Variants in COL6A5 observed in about 807,000 individuals in gnomAD.
The protein encoded by COL6A5 is collagen type VI alpha 5 chain.
COL6A5 carries 48 observed loss-of-function variants against 65.6 expected under a neutral mutation model. The ratio of observed to expected loss-of-function variants is 0.73; its 90% CI spans 0.58 to 0.93. The LOEUF (loss-of-function observed/expected upper bound fraction) is 0.93, where lower values mean the gene tolerates loss of function less well. Ranked by LOEUF, COL6A5 falls within the 40% of genes least tolerant of loss-of-function variation. The probability of loss-of-function intolerance (pLI) is 0.00; values close to 1 mark genes in which losing one functional copy is unlikely to be tolerated. For synonymous variants in COL6A5, 291 were observed against 322.8 expected, an observed-to-expected ratio of 0.90 and a Z score of 1.05; for missense variants, 914 against 928.3, an observed-to-expected ratio of 0.98 and a Z score of 0.20.
chr3:130,354,814 A>G (rs1335295844), intron 1 of COL6A5, among the ~76,000 whole-genome samples: 1 of 152,156 alleles, frequency 6.6e-6, no homozygotes, highest in Admixed American at 6.5e-5. Flanking sequence ...GTGTTCCATG[A>G]TTTATAGCTG....
intron 1 of COL6A5, among the ~76,000 whole-genome samples, chr3:130,361,412 A>G (rs1233033952): frequency 1.3e-5 from 2 of 152,070 alleles, no homozygotes; most frequent in Non-Finnish European, 2.9e-5. Context: ...ATGGCTTGAT[A>G]GTATATTTCA....
intron 4 of COL6A5, among the ~76,000 whole-genome samples, chr3:130,380,290 A>C (rs1211375764): frequency 6.6e-6 from 1 of 152,160 alleles, no homozygotes; most frequent in Non-Finnish European, 1.5e-5. Context: ...TAAAATGTAA[A>C]ATATGTGTTA....
chr3:130,397,875 G>A (rs1374140173), exon 9 of COL6A5: 3 of 1,551,692 alleles, frequency 1.9e-6, no homozygotes, highest in Non-Finnish European at 8.7e-7. Context: ...CACAGTTCTT[G>A]CGGTCTCTTT....
chr3:130,377,219 A>C (rs1202558441), intron 3 of COL6A5, among the ~76,000 whole-genome samples: 4 of 152,022 alleles, frequency 2.6e-5, no homozygotes, highest in Non-Finnish European at 4.4e-5. Context: ...CCCCACCATC[A>C]CGAAGCAAGA....
chr3:130,452,888 T>C (rs1709478808), intron 4 of COL6A5, among the ~76,000 whole-genome samples: 2 of 152,172 alleles, frequency 1.3e-5, no homozygotes, highest in Admixed American at 1.3e-4. Flanking sequence ...ATTCTCTTTC[T>C]CAGGGATGTT....
chr3:130,479,334 G>A (rs1395169872), intron 7 of COL6A5, among the ~76,000 whole-genome samples: 1 of 152,076 alleles, frequency 6.6e-6, no homozygotes, highest in Non-Finnish European at 1.5e-5. Flanking sequence ...ATAGATTGCT[G>A]TTGTTTATAA....
In COL6A5 at chr3:130,472,858, T is replaced by TATATATATAC. The variant is rs1198559167; in HGVS notation, c.2328+1892_2328+1893insTATATATACA. On this transcript the variant is annotated intron_variant, in intron 7 of 7. Transcript: ENST00000512836. ...ATATATATATATATATATATATATA[T>TATATATATAC]ACACATTTATAAATATAGATATAGT... is the stretch of plus-strand genomic sequence containing the variant. Among the ~76,000 whole-genome samples, 583 of 141,816 alleles carry TATATATATAC rather than the reference T, an allele frequency of 4.1e-3. 4 individuals carry two copies. The highest frequency in any genetic ancestry group is 0.011 in the Middle Eastern group (3 of 262). The allele number at this position is 141,816 out of a possible 152,430, so 93.0% of individuals were successfully genotyped here.
intron 5 of COL6A5, among the ~76,000 whole-genome samples, chr3:130,461,259 G>A (rs1254466208): frequency 2.0e-5 from 3 of 151,882 alleles, no homozygotes; most frequent in Admixed American, 6.6e-5. Flanking sequence ...AAAAAAAGTG[G>A]CATGCTTTGG....
At chr3:130,430,014 C>T (rs957042690), upstream of COL6A5, among the ~76,000 whole-genome samples, 1 of 152,178 alleles carries the variant, frequency 6.6e-6, no homozygotes, top group Admixed American at 6.5e-5. Context: ...CCTTTCCTGC[C>T]CATGGCTGTG....
chr3:130,393,037 A>G (rs1936453351), intron 7 of COL6A5, among the ~76,000 whole-genome samples: 1 of 147,692 alleles, frequency 6.8e-6, no homozygotes, highest in Non-Finnish European at 1.5e-5. Flanking sequence ...TCTTCTACAC[A>G]CTGGATGTGG....
chr3:130,400,025 A>G (rs1319247631), intron 10 of COL6A5, among the ~76,000 whole-genome samples: 1 of 152,018 alleles, frequency 6.6e-6, no homozygotes, highest in Non-Finnish European at 1.5e-5. Flanking sequence ...GGCCTCCCAA[A>G]GTGCTGGGAT....
chr3:130,418,809 C>T, intron 24 of COL6A5, 60 bp from the exon 25 acceptor site: 1 of 1,355,394 alleles, frequency 7.4e-7, no homozygotes, highest in South Asian at 1.2e-5. Flanking sequence ...ACAGAACTTA[C>T]CGTGGTAGGA....
chr3:130,388,454 A>G (rs1281104623), intron 5 of COL6A5, 126 bp from the exon 6 acceptor site: 9 of 808,716 alleles, frequency 1.1e-5, no homozygotes, highest in Non-Finnish European at 1.7e-5. Flanking sequence ...ATTTTCAAAC[A>G]TAACAACAGT....
chr3:130,354,074 G>C (rs1238720719), intron 1 of COL6A5, among the ~76,000 whole-genome samples: 1 of 143,684 alleles, frequency 7.0e-6, no homozygotes, highest in African/African-American at 2.6e-5. Context: ...AGAAAGAAAA[G>C]AAAAGAACAA....
At chr3:130,417,735 C>T (rs1460977331) in intron 24 of COL6A5, among the ~76,000 whole-genome samples, 2 of 152,122 alleles carry the variant, frequency 1.3e-5, no homozygotes, top group Admixed American at 6.5e-5. Flanking sequence ...TCTCCAGGGT[C>T]CTGTGACCTG....
rs1243592848 is a variant in COL6A5 at position 130,406,110 on chromosome 3, CTGTCTAT to C, written c.4381-16_4381-10del. ...GCAGAGACCTGCTTTTACCTGATGC[CTGTCTAT>C]TGTCATCTCTCAGGGAGGTCATGGA... On this transcript the variant is annotated splice_polypyrimidine_tract_variant and intron_variant and NMD_transcript_variant, in intron 15 of 41. Coordinates refer to the COL6A5 transcript ENST00000312481. 10 of 1,548,604 alleles carry C rather than the reference CTGTCTAT, an allele frequency of 6.5e-6. No individual in the cohort carries two copies. Among genetic ancestry groups the C allele is most frequent in the Non-Finnish European group, 8.7e-6 (10 of 1,144,262 alleles).
chr3:130,453,987 C>T (rs1379798146), intron 4 of COL6A5, among the ~76,000 whole-genome samples: 1 of 152,118 alleles, frequency 6.6e-6, no homozygotes, highest in Non-Finnish European at 1.5e-5. Flanking sequence ...GTTTCCCAAC[C>T]TTGAATAAAT....
At chr3:130,419,009 C>A in intron 25 of COL6A5, 78 bp downstream of exon 25, 2 of 1,182,658 alleles carry the variant, frequency 1.7e-6, no homozygotes, top group South Asian at 1.3e-5. Flanking sequence ...TTGACACCTT[C>A]AGCCCAATTA....
chr3:130,429,081 G>A (rs983857105), upstream of COL6A5, among the ~76,000 whole-genome samples: 1 of 152,052 alleles, frequency 6.6e-6, no homozygotes, highest in African/African-American at 2.4e-5. Flanking sequence ...AAACAGAGGA[G>A]CTGTTTTTTA....
Sources: allele counts gnomAD v4.1 joint callset (sites outside exome capture counted in the v4.1 genomes callset), GRCh38; gene constraint gnomAD v4.1.1; transcripts MANE v1.5; gene names NCBI Gene and HGNC (gene_info 2026-07-23, HGNC 2026-07-21).